TGFB1: variants seen among roughly 807,000 people sequenced by gnomAD.
TGFB1 encodes transforming growth factor beta 1, also known as transforming growth factor beta-1 proprotein.
Under a neutral mutation model 43.8 loss-of-function variants are expected in TGFB1, and 19 were observed. That is an observed-to-expected ratio of 0.43 (90% confidence interval 0.30 to 0.64). TGFB1 has a LOEUF of 0.64. TGFB1 is among the 30% of genes least tolerant of loss of function. The pLI is 0.11. For synonymous variants in TGFB1, 221 were observed against 236.3 expected, an observed-to-expected ratio of 0.94 and a Z score of 0.60; for missense variants, 445 against 529.8, an observed-to-expected ratio of 0.84 and a Z score of 1.57.
chr19:41,331,005 C>CGGGGTGGG lies in TGFB1; in HGVS notation c.*39_*46dup. On this transcript the variant is annotated 3_prime_UTR_variant, in exon 7 of 7. Coordinates refer to ENST00000221930, the MANE Select transcript of TGFB1 (RefSeq NM_000660.7). The stretch of plus-strand genomic sequence containing the variant: ...CATGGGCAAGGCAGCGGGGGCGGGG[C>CGGGGTGGG]GGGGTGGGGCCGGGCCTGCCGGGGC... The CGGGGTGGG allele has an allele frequency of 1.1e-6, 1 of 936,850 alleles. No homozygotes were observed. Among genetic ancestry groups the CGGGGTGGG allele is most frequent in the Non-Finnish European group, 1.2e-6 (1 of 810,140 alleles). 58.0% of individuals were successfully genotyped at this position (936,850 alleles called of 1,614,324 possible).
rs1406488704 is a variant in TGFB1 at position 41,340,237 on chromosome 19, C to T, written c.860+1646G>A. On this transcript the variant is annotated intron_variant, in intron 5 of 6. Coordinates refer to ENST00000221930, the MANE Select transcript of TGFB1 (RefSeq NM_000660.7). ...TGAGCCATCACTCAAGAGGTTCAAA[C>T]TGACACTTTCTTTCTTTTTTTTTTT... 2.3e-4 allele frequency among the ~76,000 whole-genome samples: 33 copies of T among 145,292 alleles called. No individual in the cohort carries two copies. The Admixed American group carries it at 2.4e-3, about 11-fold the overall frequency.
chr19:41,351,131 T>G (rs952617270), intron 1 of TGFB1: 6 of 152,354 alleles, frequency 3.9e-5, no homozygotes, highest in African/African-American at 1.4e-4. Flanking sequence ...GTGCATTTGT[T>G]GGGGAGAAGA....
intron 5 of TGFB1, among the ~76,000 whole-genome samples, chr19:41,341,353 G>C (rs963995186): frequency 1.1e-4 from 16 of 151,214 alleles, no homozygotes; most frequent in Non-Finnish European, 2.4e-4. Flanking sequence ...TGTAGTCCTA[G>C]CTACTCGGGA....
intron 5 of TGFB1, among the ~76,000 whole-genome samples, chr19:41,339,167 G>A (rs2123092651): frequency 6.7e-6 from 1 of 148,498 alleles, no homozygotes; most frequent in East Asian, 2.0e-4. Flanking sequence ...GCTCTGTCCT[G>A]AAATGCAGTG....
At chr19:41,339,875 A>T (rs544547446) in intron 5 of TGFB1, among the ~76,000 whole-genome samples, 2 of 152,242 alleles carry the variant, frequency 1.3e-5, no homozygotes, top group Non-Finnish European at 2.9e-5. Context: ...GATGGCGCTA[A>T]GATCTGGTGG....
rs760358819 is a variant in TGFB1, at chr19:41,348,403, G to A, written c.408C>T (p.Asn136=). 5.6e-6 allele frequency: 9 copies of A among 1,613,214 alleles called. No individual in the cohort carries two copies. Among genetic ancestry groups the A allele is most frequent in the Non-Finnish European group, 7.6e-6 (9 of 1,179,656 alleles). Reference sequence around the variant, plus strand: ...GTACCGCTTCTCGGAGCTCTGATGTGTTGAAGAACATATATATGCTGTGTG... The same window carrying A: ...GTACCGCTTCTCGGAGCTCTGATGTATTGAAGAACATATATATGCTGTGTG... The part of the protein sequence containing the change: ...QSTHSIYMFF[N]TSELREAVPE... The change falls in exon 2 of 7, where the codon AAC becomes AAT. Residue 136 remains asparagine, a synonymous_variant. Transcript: ENST00000221930.
intron 2 of TGFB1, among the ~76,000 whole-genome samples, chr19:41,346,433 C>T (rs753427186): frequency 2.6e-5 from 4 of 152,212 alleles, no homozygotes; most frequent in African/African-American, 7.2e-5. Context: ...ATTCCCCAGA[C>T]TCCAAGAAGC....
chr19:41,348,521 A>G (rs2038144294), intron 1 of TGFB1, 66 bp from the exon 2 acceptor site: 1 of 1,562,140 alleles, frequency 6.4e-7, no homozygotes, highest in Admixed American at 1.7e-5. Flanking sequence ...TGGTGCTCCC[A>G]ACTCTAGGAG....
At chr19:41,339,692 C>T (rs923759608) in intron 5 of TGFB1, among the ~76,000 whole-genome samples, 1 of 152,096 alleles carries the variant, frequency 6.6e-6, no homozygotes, top group Admixed American at 6.5e-5. Context: ...GGTGTGGTGG[C>T]ACACGCCTGT....
Position 41,331,075 on chromosome 19 carries a change from C to G in TGFB1, c.1150G>C (p.Val384Leu), listed in dbSNP as rs747563417. 5 of 1,580,274 alleles carry G rather than the reference C, an allele frequency of 3.2e-6. No homozygotes were observed. Among genetic ancestry groups the G allele is most frequent in the East Asian group, 2.3e-5 (1 of 43,644 alleles). The change falls in exon 7 of 7, where the codon GTG (valine) becomes CTG (leucine). Residue 384 changes from valine to leucine, a missense_variant. Physicochemically the swap from Val to Leu is conservative, Grantham distance 32 (BLOSUM62 1). Around this residue, in one of 3 missense-constraint regions of TGFB1, gnomAD observed 56 missense variants for 46.9 expected, o/e 1.19. Coordinates refer to ENST00000221930, the MANE Select transcript of TGFB1 (RefSeq NM_000660.7). The part of the protein sequence containing the change: ...PKVEQLSNMI[V>L]RSCKCS ...CCTCAGCTGCACTTGCAGGAGCGCA[C>G]GATCATGTTGGACAGCTGCTCCACC...
In TGFB1 at chr19:41,331,077, A is replaced by T; in HGVS notation, c.1148T>A (p.Ile383Asn). 1.3e-6 allele frequency: 2 copies of T among 1,581,560 alleles called. No homozygotes were observed. Among genetic ancestry groups the T allele is most frequent in the Non-Finnish European group, 8.6e-7 (1 of 1,165,918 alleles). The change falls in exon 7 of 7, where the codon ATC (isoleucine) becomes AAC (asparagine). Residue 383 changes from isoleucine to asparagine, a missense_variant. Ile to Asn is a moderately radical substitution (Grantham distance 149). This residue lies in a region of TGFB1 where 56 missense variants were observed against 46.9 expected (regional missense o/e 1.19). Coordinates refer to ENST00000221930, the MANE Select transcript of TGFB1 (RefSeq NM_000660.7). ...TCAGCTGCACTTGCAGGAGCGCACGATCATGTTGGACAGCTGCTCCACCTT... is the reference window on the plus strand; with the variant it reads ...TCAGCTGCACTTGCAGGAGCGCACGTTCATGTTGGACAGCTGCTCCACCTT... The part of the protein sequence containing the change: ...KPKVEQLSNM[I>N]VRSCKCS
intron 5 of TGFB1, among the ~76,000 whole-genome samples, chr19:41,334,621 T>C (rs2037970270): frequency 6.6e-6 from 1 of 151,400 alleles, no homozygotes; most frequent in South Asian, 2.1e-4. Flanking sequence ...TTACTAAAAA[T>C]TCAAAAATTA....
In TGFB1 at chr19:41,353,068, C is replaced by T; in HGVS notation, c.-24G>A. 1 of 1,507,588 alleles carries T rather than the reference C, an allele frequency of 6.6e-7. No individual in the cohort carries two copies. Among genetic ancestry groups the T allele is most frequent in the South Asian group, 1.3e-5 (1 of 79,542 alleles). 93.4% of individuals were successfully genotyped at this position (1,507,588 alleles called of 1,614,324 possible). On this transcript the variant is annotated 5_prime_UTR_variant, in exon 1 of 7. In the 5' UTR this introduces an upstream ATG that the reference lacks. Coordinates refer to ENST00000221930, the MANE Select transcript of TGFB1 (RefSeq NM_000660.7). The surrounding 1 kb of genome is among the most constrained non-coding windows in gnomAD (Gnocchi z 5.9). ...ATGGGGGAGGCGGCGCCCCCCGGCA[C>T]TGCCGAGAGCGCGAACAGGGCTGGT...
chr19:41,331,155 A>C lies in TGFB1; in HGVS notation c.1070T>G (p.Val357Gly), dbSNP rs199849225. 6 of 1,564,502 alleles carry C rather than the reference A, an allele frequency of 3.8e-6. No individual in the cohort carries two copies. The highest frequency in any genetic ancestry group is 5.2e-6 in the Non-Finnish European group (6 of 1,157,150). The part of the protein sequence containing the change: ...NPGASAAPCC[V>G]PQALEPLPIV... ...GGGCAGCGGCTCCAGCGCCTGCGGC[A>C]CGCAGCACGGCGCCGCCGAGGCGCC... Residue 357 changes from valine to glycine, a missense_variant, in exon 7 of 7, where the codon GTG (valine) becomes GGG (glycine). Transcript: ENST00000221930.
intron 5 of TGFB1, among the ~76,000 whole-genome samples, chr19:41,334,331 G>A (rs969338439): frequency 6.6e-6 from 1 of 151,778 alleles, no homozygotes; most frequent in Non-Finnish European, 1.5e-5. Flanking sequence ...AGCCAAGATC[G>A]TGCCACTGCA....
chr19:41,348,355 C>T lies in TGFB1; in HGVS notation c.456G>A (p.Arg152=), dbSNP rs757266734. 10 of 1,613,568 alleles carry T rather than the reference C, an allele frequency of 6.2e-6. No homozygotes were observed. The highest frequency in any genetic ancestry group is 8.5e-6 in the Non-Finnish European group (10 of 1,179,838). The change falls in exon 2 of 7, where the codon CGG becomes CGA. Residue 152 remains arginine (R), a synonymous_variant. Transcript: ENST00000221930. ...EAVPEPVLLS[R]AELRLLRLKL... ...TGAGCCTCAGCAGACGCAGCTCTGCCCGGGAGAGCAACACGGGTTCAGGTA... is the reference window on the plus strand; with the variant it reads ...TGAGCCTCAGCAGACGCAGCTCTGCTCGGGAGAGCAACACGGGTTCAGGTA...
chr19:41,346,336 G>A (rs1451865900), intron 2 of TGFB1, among the ~76,000 whole-genome samples: 1 of 152,102 alleles, frequency 6.6e-6, no homozygotes, highest in Admixed American at 6.6e-5. Context: ...GGCAACAGGA[G>A]CAAAACTCCA....
At chr19:41,340,251 CTTTTTTTTT>C (rs3061188) in intron 5 of TGFB1, among the ~76,000 whole-genome samples, 223 of 125,178 alleles carry the variant, frequency 1.8e-3, no homozygotes, top group Middle Eastern at 4.3e-3. Flanking sequence ...CACTTTCTTT[CTTTTTTTTT>C]TTTTTTTTTT....
chr19:41,331,704 G>A (rs1313762236), intron 6 of TGFB1, among the ~76,000 whole-genome samples: 1 of 149,896 alleles, frequency 6.7e-6, no homozygotes, highest in East Asian at 2.0e-4. Flanking sequence ...GTGAGCCGCC[G>A]CGCCCGCCTG....
Sources: gnomAD v4.1 joint callset for allele counts (sites outside exome capture counted in the v4.1 genomes callset) on GRCh38, gnomAD v4.1.1 for gene constraint, gnomAD v4.1.1 regional missense constraint, Gnocchi (gnomAD v3.1) non-coding constraint, MANE v1.5 for transcripts, NCBI Gene and HGNC (gene_info 2026-07-23, HGNC 2026-07-21) for gene names.